The following NLGN1 variants were observed in gnomAD, a reference collection of about 807,000 sequenced individuals.
NLGN1 encodes the protein neuroligin-1.
Under a neutral mutation model 65.5 loss-of-function variants are expected in NLGN1, and 12 were observed. The ratio of observed to expected loss-of-function variants is 0.18; its 90% CI spans 0.12 to 0.30. The LOEUF (loss-of-function observed/expected upper bound fraction) is 0.30. NLGN1 is among the 10% of genes least tolerant of loss of function. The pLI is 1.00. For missense variants in NLGN1, 750 were observed against 1,007.1 expected (o/e 0.74, Z 3.46); for synonymous variants, 350 against 359.5 (o/e 0.97, Z 0.30).
chr3:173,933,546 T>C (rs1277538375), intron 4 of NLGN1, among the ~76,000 whole-genome samples: 1 of 152,150 alleles, frequency 6.6e-6, no homozygotes, highest in Non-Finnish European at 1.5e-5. Flanking sequence ...TTATTTAGCT[T>C]GCCGCAAATG....
chr3:173,726,159 T>C (rs1466711747), intron 3 of NLGN1, among the ~76,000 whole-genome samples: 1 of 151,814 alleles, frequency 6.6e-6, no homozygotes, highest in Non-Finnish European at 1.5e-5. Context: ...AAGGATTCCA[T>C]AAGGACCTTA....
At chr3:173,766,516 T>C (rs937904439) in intron 3 of NLGN1, among the ~76,000 whole-genome samples, 4 of 152,194 alleles carry the variant, frequency 2.6e-5, no homozygotes, top group African/African-American at 4.8e-5. Context: ...TGGTATTTTC[T>C]ACTTATTGAA....
At chr3:174,076,679 T>TAGAGAGAGAGAG (rs3979619) in intron 4 of NLGN1, among the ~76,000 whole-genome samples, 67 of 92,890 alleles carry the variant, frequency 7.2e-4, no homozygotes, top group African/African-American at 1.8e-3. Context: ...TCTGGGACCA[T>TAGAGAGAGAGAG]AGAGAGAGAG....
chr3:174,278,739 T>TAACTCC, intron 5 of NLGN1, 122 bp from the exon 6 acceptor site: 1 of 744,800 alleles, frequency 1.3e-6, no homozygotes, highest in Non-Finnish European at 2.0e-6. Context: ...AAAATATCTC[T>TAACTCC]AACTCCCTGT....
chr3:174,285,904 A>G (rs1309428618), exon 7 of NLGN1: 3 of 151,454 alleles, frequency 2.0e-5, no homozygotes, highest in African/African-American at 7.3e-5. Context: ...TTTACATTTA[A>G]TTTGATTTTT....
chr3:173,732,153 A>G (rs960411675), intron 3 of NLGN1, among the ~76,000 whole-genome samples: 4 of 152,098 alleles, frequency 2.6e-5, no homozygotes, highest in Admixed American at 2.0e-4. Flanking sequence ...ATCTTAGCAT[A>G]ACTAGATGTT....
In NLGN1 at chr3:173,834,314, ACT is replaced by A. The variant is rs551877258; in HGVS notation, c.646+26485_646+26486del. ...GCATGGCTAAACTCTGCTCTTTATT[ACT>A]CTTTATTTTTTGGAAAATTCTTGAT... On this transcript the variant is annotated intron_variant, in intron 4 of 6. Coordinates refer to ENST00000457714, the Ensembl canonical transcript of NLGN1. Among the ~76,000 whole-genome samples, 16 of 151,776 alleles carry A rather than the reference ACT, an allele frequency of 1.1e-4. No homozygotes were observed. In the South Asian group the frequency reaches 3.1e-3, roughly 30 times the overall value.
intron 3 of NLGN1, among the ~76,000 whole-genome samples, chr3:173,645,697 G>C (rs894284545): frequency 2.0e-5 from 3 of 152,208 alleles, no homozygotes; most frequent in Non-Finnish European, 2.9e-5. Context: ...GAGCAATCTA[G>C]CATTCCAGGG....
chr3:174,286,244 C>A (rs944553116), exon 7 of NLGN1: 2 of 151,332 alleles, frequency 1.3e-5, no homozygotes, highest in Non-Finnish European at 3.0e-5. Context: ...TGTATAACTA[C>A]CTACATATGT....
intron 4 of NLGN1, among the ~76,000 whole-genome samples, chr3:174,197,626 G>A (rs1442021750): frequency 1.3e-5 from 2 of 151,030 alleles, no homozygotes; most frequent in Admixed American, 1.3e-4. Flanking sequence ...GCCAGTCTAT[G>A]TTCAATGAGG....
chr3:173,702,855 A>G (rs1193733883), intron 3 of NLGN1, among the ~76,000 whole-genome samples: 1 of 152,206 alleles, frequency 6.6e-6, no homozygotes, highest in Non-Finnish European at 1.5e-5. Flanking sequence ...TATTCCACAC[A>G]TTCAGAAATA....
intron 4 of NLGN1, among the ~76,000 whole-genome samples, chr3:173,872,742 T>G (rs1468967509): frequency 6.6e-6 from 1 of 152,184 alleles, no homozygotes; most frequent in East Asian, 1.9e-4. Flanking sequence ...TCAATTTCTA[T>G]CTAGCTTTTC....
At chr3:173,741,237 A>G (rs1994507) in intron 3 of NLGN1, among the ~76,000 whole-genome samples, 90,087 of 151,892 alleles carry the variant, frequency 0.59, 27,003 homozygotes, top group East Asian at 0.74. Flanking sequence ...TCTGTTGCCT[A>G]GCATGGCATC....
rs374027846 is a variant in NLGN1 at position 173,786,513 on chromosome 3, G to T, written c.494-21167G>T. ...ATGGAAAGTTATCTTTAGGTGACTC[G>T]CAAAGGAGAAGTGAACCCATGTATC... On this transcript the variant is annotated intron_variant, in intron 3 of 6. Coordinates refer to ENST00000457714, the Ensembl canonical transcript of NLGN1. Among the ~76,000 whole-genome samples the T allele has an allele frequency of 1.1e-3, 161 of 152,024 alleles. 1 individual carries two copies. The South Asian group carries it at 0.031, about 29-fold the overall frequency.
rs1168837585 is a variant in NLGN1, at chr3:174,116,330, C to CTTTTTTTTTTTTTTTTTTTTTTTTTTTT, written c.647-158958_647-158957insTTTTTTTTTTTTTTTTTTTTTTTTTTTT. Reference sequence around the variant, plus strand: ...ACATGTAAGTTTTTTTCTGGGTTTTCTTTTTTTTTTTTTTTTTTTTTTTTT... The same window carrying CTTTTTTTTTTTTTTTTTTTTTTTTTTTT: ...ACATGTAAGTTTTTTTCTGGGTTTTCTTTTTTTTTTTTTTTTTTTTTTTTTTTTTTTTTTTTTTTTTTTTTTTTTTTTT... On this transcript the variant is annotated intron_variant, in intron 4 of 6. Transcript: ENST00000457714. Among the ~76,000 whole-genome samples, 5 of 69,634 alleles carry CTTTTTTTTTTTTTTTTTTTTTTTTTTTT rather than the reference C, an allele frequency of 7.2e-5. 2 individuals are homozygous for CTTTTTTTTTTTTTTTTTTTTTTTTTTTT. Among genetic ancestry groups the CTTTTTTTTTTTTTTTTTTTTTTTTTTTT allele is most frequent in the African/African-American group, 9.6e-5 (2 of 20,740 alleles). 45.7% of individuals were successfully genotyped at this position (69,634 alleles called of 152,430 possible).
chr3:174,234,401 A>T (rs1245831743), intron 4 of NLGN1, among the ~76,000 whole-genome samples: 2 of 152,074 alleles, frequency 1.3e-5, no homozygotes, highest in Non-Finnish European at 1.5e-5. Flanking sequence ...AGCAATTGGG[A>T]GGGAAGCATG....
At chr3:174,006,395 C>T (rs565599398) in intron 4 of NLGN1, among the ~76,000 whole-genome samples, 201 of 152,290 alleles carry the variant, frequency 1.3e-3, no homozygotes, top group African/African-American at 4.7e-3. Flanking sequence ...TTCTTCCACA[C>T]GTATCCCTGT....
At chr3:173,611,930 A>G (rs1752364851) in intron 3 of NLGN1, among the ~76,000 whole-genome samples, 1 of 152,030 alleles carries the variant, frequency 6.6e-6, no homozygotes, top group Non-Finnish European at 1.5e-5. Flanking sequence ...CTCCTACCGT[A>G]TGTAATATCT....
At chr3:173,988,911 C>T (rs1273522465) in intron 4 of NLGN1, among the ~76,000 whole-genome samples, 1 of 152,120 alleles carries the variant, frequency 6.6e-6, no homozygotes, top group Non-Finnish European at 1.5e-5. Flanking sequence ...TATTTAATCC[C>T]CTCTCAACCT....
Sources: allele counts gnomAD v4.1 joint callset (sites outside exome capture counted in the v4.1 genomes callset), GRCh38; gene constraint gnomAD v4.1.1; transcripts MANE v1.5; gene names NCBI Gene and HGNC (gene_info 2026-07-23, HGNC 2026-07-21).